The following MEX3D variants were observed in gnomAD, a reference collection of about 807,000 sequenced individuals.
The protein encoded by MEX3D is RNA-binding protein MEX3D.
Under a neutral mutation model 6.3 loss-of-function variants are expected in MEX3D, and 4 were observed. The observed-to-expected ratio is 0.64, with a 90% CI of 0.31 to 1.46. MEX3D has a LOEUF of 1.46. Among genes scored for constraint, MEX3D ranks in the 40% most tolerant of loss-of-function variants. The pLI is 0.07. For missense variants in MEX3D, 1,038 were observed against 994.4 expected (o/e 1.04, Z -0.59); for synonymous variants, 626 against 494.1 (o/e 1.27, Z -3.54).
chr19:1,555,338 T>C lies in MEX3D; in HGVS notation c.*225A>G, dbSNP rs1914487626. ...TTATTGTAACCTGACCACTCAATAC[T>C]GTCGTTGAAGGGCTGAGGCGCCGCC... On this transcript the variant is annotated 3_prime_UTR_variant, in exon 2 of 2. Transcript: ENST00000402693. The C allele has an allele frequency of 3.7e-6, 6 of 1,600,370 alleles. No individual in the cohort carries two copies. In the South Asian group the frequency reaches 5.5e-5, roughly 15 times the overall value.
rs990865392 is a variant in MEX3D, at chr19:1,555,753, G to A, written c.1766C>T (p.Ser589Leu). Reference protein sequence around the residue: ...GASENSRKPPSASSAPALARE... With the variant: ...GASENSRKPPLASSAPALARE... ...CGCCAGGGCCGGGGCCGAGGACGCCGAAGGGGGCTTGCGGCTGTTCTCGGA... is the reference window on the plus strand; with the variant it reads ...CGCCAGGGCCGGGGCCGAGGACGCCAAAGGGGGCTTGCGGCTGTTCTCGGA... Residue 589 changes from serine (S) to leucine (L), a missense_variant, in exon 2 of 2, where the codon TCG (serine) becomes TTG (leucine). This residue lies in a region of MEX3D where 581 missense variants were observed against 516.2 expected (regional missense o/e 1.13). Transcript: ENST00000402693. 6.0e-6 allele frequency: 9 copies of A among 1,505,480 alleles called. No individual in the cohort carries two copies. Among genetic ancestry groups the A allele is most frequent in the African/African-American group, 5.8e-5 (4 of 69,214 alleles). The allele number at this position is 1,505,480 out of a possible 1,614,324, so 93.3% of individuals were successfully genotyped here.
At chr19:1,566,977 C>T (rs1568267981) in intron 1 of MEX3D, among the ~76,000 whole-genome samples, 1 of 152,152 alleles carries the variant, frequency 6.6e-6, no homozygotes, top group Admixed American at 6.5e-5. Context: ...CCAGTCAGGG[C>T]CCCAGGCTGG....
At chr19:1,560,021 C>A (rs970995704) in intron 1 of MEX3D, among the ~76,000 whole-genome samples, 1 of 152,242 alleles carries the variant, frequency 6.6e-6, no homozygotes, top group Non-Finnish European at 1.5e-5. Context: ...TGGGCCTGCT[C>A]TTCTGAGTCT....
At position 1,568,014 on chromosome 19, in the gene MEX3D, G is replaced by GCCC. The variant is rs1347754563; in HGVS notation, c.42_44dup (p.Gly20dup). ...CCGCCCCCACGCCGCCGCCGCCGCC[G>GCCC]CCCCCGCCCCCGCCGCCGTCGGGCT... is the stretch of plus-strand genomic sequence containing the variant. On this transcript the variant is annotated inframe_insertion, in exon 1 of 2. Transcript: ENST00000402693. 7.8e-4 allele frequency: 760 copies of GCCC among 975,284 alleles called. 6 individuals are homozygous for GCCC. The African/African-American group carries it at 0.013, about 17-fold the overall frequency. The allele number at this position is 975,284 out of a possible 1,614,324, so 60.4% of individuals were successfully genotyped here. A position where few individuals can be genotyped will look rare whatever the true frequency, so the allele number is the denominator to read the frequency against.
intron 1 of MEX3D, among the ~76,000 whole-genome samples, chr19:1,560,660 G>C (rs759752667): frequency 6.6e-6 from 1 of 152,204 alleles, no homozygotes; most frequent in Non-Finnish European, 1.5e-5. Flanking sequence ...TGGGAGCCAC[G>C]CGTGCGTCGG....
chr19:1,556,081 C>T lies in MEX3D; in HGVS notation c.1438G>A (p.Ala480Thr). The change falls in exon 2 of 2, where the codon GCC becomes ACC. Residue 480 changes from alanine to threonine, a missense_variant. Ala to Thr is a moderately conservative substitution (Grantham distance 58, BLOSUM62 0). Coordinates refer to ENST00000402693, the MANE Select transcript of MEX3D (RefSeq NM_203304.4). The surrounding 1 kb of genome is among the most constrained non-coding windows in gnomAD (Gnocchi z 7.5). ...CAGCCGCTGAAGGCGGGCAAGGGGG[C>T]GGCGCGCTCAAAAGGCGCCCAGATG... Reference protein sequence around the residue: ...ATIWAPFERAAPLPAFSGCST... With the variant: ...ATIWAPFERATPLPAFSGCST... 3 of 1,430,456 alleles carry T rather than the reference C, an allele frequency of 2.1e-6. No homozygotes were observed. The highest frequency in any genetic ancestry group is 2.8e-6 in the Non-Finnish European group (3 of 1,090,820). 88.6% of individuals were successfully genotyped at this position (1,430,456 alleles called of 1,614,324 possible).
In MEX3D at chr19:1,555,443, G is replaced by GGCC; in HGVS notation, c.*119_*120insGGC. 3.4e-6 allele frequency: 2 copies of GGCC among 590,592 alleles called. No individual in the cohort carries two copies. Among genetic ancestry groups the GGCC allele is most frequent in the East Asian group, 1.0e-4 (1 of 9,894 alleles). 36.6% of individuals were successfully genotyped at this position (590,592 alleles called of 1,614,324 possible). A position where few individuals can be genotyped will look rare whatever the true frequency, so the allele number is the denominator to read the frequency against. On this transcript the variant is annotated 3_prime_UTR_variant, in exon 2 of 2. Coordinates refer to ENST00000402693, the MANE Select transcript of MEX3D (RefSeq NM_203304.4). ...AACACTGGCCGCCGCCCACCCCCCT[G>GGCC]CCCCCTCGGCCTCCGCCCCTCGCCC...
intron 1 of MEX3D, among the ~76,000 whole-genome samples, chr19:1,566,168 G>T (rs969003873): frequency 4.6e-5 from 7 of 152,144 alleles, no homozygotes; most frequent in African/African-American, 1.4e-4. Flanking sequence ...CTGCCAGGGG[G>T]TCCCACCAAG....
rs1325877453 is a variant in MEX3D at position 1,556,823 on chromosome 19, G to A, written c.696C>T (p.Asp232=). 17 of 1,612,540 alleles carry A rather than the reference G, an allele frequency of 1.1e-5. No homozygotes were observed. Among genetic ancestry groups the A allele is most frequent in the Non-Finnish European group, 1.4e-5 (17 of 1,179,826 alleles). ...PVFIVTGRKE[D]VEMAKREILS... ...GGATCTCACGCTTGGCCATCTCCAC[G>A]TCCTCCTTCCGGCCGGTCACGATGA... Residue 232 remains aspartate (D), a synonymous_variant, in exon 2 of 2, where the codon GAC becomes GAT. Transcript: ENST00000402693. The surrounding 1 kb of genome is among the most constrained non-coding windows in gnomAD (Gnocchi z 7.5).
At chr19:1,558,175 C>T (rs1260023187) in intron 1 of MEX3D, among the ~76,000 whole-genome samples, 1 of 151,400 alleles carries the variant, frequency 6.6e-6, no homozygotes, top group Admixed American at 6.6e-5. Context: ...GCCTGGGCAA[C>T]ACAGCAGGAC....
In MEX3D at chr19:1,555,737, CG is replaced by C. The variant is rs999739868; in HGVS notation, c.1781del (p.Pro594ArgfsTer15). 3.3e-6 allele frequency: 5 copies of C among 1,518,382 alleles called. No homozygotes were observed. The highest frequency in any genetic ancestry group is 4.4e-6 in the Non-Finnish European group (5 of 1,139,922). 94.1% of individuals were successfully genotyped at this position (1,518,382 alleles called of 1,614,324 possible). A position where few individuals can be genotyped will look rare whatever the true frequency, so the allele number is the denominator to read the frequency against. On this transcript the variant is annotated frameshift_variant, in exon 2 of 2. Transcript: ENST00000402693. LOFTEE classifies it low-confidence loss of function (END_TRUNC). Reference protein sequence around the residue: ...SRKPPSASSAPALARECVVCA... With the variant: ...SRKPPSASSAXALARECVVCA... Reference sequence around the variant, plus strand: ...ACACCACGCACTCTCGCGCCAGGGCCGGGGCCGAGGACGCCGAAGGGGGCTT... The same window carrying C: ...ACACCACGCACTCTCGCGCCAGGGCCGGGCCGAGGACGCCGAAGGGGGCTT...
chr19:1,561,328 C>T (rs1914712374), intron 1 of MEX3D, among the ~76,000 whole-genome samples: 1 of 152,190 alleles, frequency 6.6e-6, no homozygotes, highest in Admixed American at 6.5e-5. Flanking sequence ...GCCGCTGAGG[C>T]AACAGCAAGG....
In MEX3D at chr19:1,567,784, C is replaced by A. The variant is rs958425127; in HGVS notation, c.275G>T (p.Gly92Val). The A allele has an allele frequency of 3.1e-6, 3 of 956,156 alleles. No individual in the cohort carries two copies. Among genetic ancestry groups the A allele is most frequent in the South Asian group, 4.7e-5 (1 of 21,480 alleles). The allele number at this position is 956,156 out of a possible 1,614,324, so 59.2% of individuals were successfully genotyped here. ...CTCCGGAGCCGCCCCGCCGTCCGCG[C>A]CCCCCGCCGCCGCTGCGCCGTCCCC... ...AAGDGAAAAG[G>V]ADGGAAPEPV... Residue 92 changes from glycine to valine, a missense_variant, in exon 1 of 2, where the codon GGC (glycine) becomes GTC (valine). Around this residue, in one of 5 missense-constraint regions of MEX3D, gnomAD observed 265 missense variants for 206.3 expected, o/e 1.28. Transcript: ENST00000402693. The surrounding 1 kb of genome is among the most constrained non-coding windows in gnomAD (Gnocchi z 6.5).
chr19:1,559,021 CTT>C (rs1165144051), intron 1 of MEX3D, among the ~76,000 whole-genome samples: 1 of 151,198 alleles, frequency 6.6e-6, no homozygotes, highest in South Asian at 2.1e-4. Flanking sequence ...TTATCTCACT[CTT>C]GTTACCCAGG....
At chr19:1,558,813 G>A (rs1339421923) in intron 1 of MEX3D, among the ~76,000 whole-genome samples, 1 of 152,210 alleles carries the variant, frequency 6.6e-6, no homozygotes, top group Non-Finnish European at 1.5e-5. Flanking sequence ...TGAGGGGCCT[G>A]CTGTGGCTTT....
Position 1,555,486 on chromosome 19 carries a change from C to A in MEX3D, c.*77G>T. On this transcript the variant is annotated 3_prime_UTR_variant, in exon 2 of 2. Transcript: ENST00000402693. ...CCTCGCCCCCTCCCCGTCCCTCTCCCACCCCGGGTCCCGCCCCGTCTCCCG... is the reference window on the plus strand; with the variant it reads ...CCTCGCCCCCTCCCCGTCCCTCTCCAACCCCGGGTCCCGCCCCGTCTCCCG... The A allele has an allele frequency of 6.6e-7, 1 of 1,504,124 alleles. No individual in the cohort carries two copies. The highest frequency in any genetic ancestry group is 2.6e-5 in the East Asian group (1 of 38,742). 93.2% of individuals were successfully genotyped at this position (1,504,124 alleles called of 1,614,324 possible).
chr19:1,563,528 T>C (rs561630970), intron 1 of MEX3D, among the ~76,000 whole-genome samples: 3 of 152,120 alleles, frequency 2.0e-5, no homozygotes, highest in South Asian at 2.1e-4. Context: ...CCTGGGAACA[T>C]GCAGGGGGAG....
At chr19:1,566,978 C>A (rs1038662399) in intron 1 of MEX3D, among the ~76,000 whole-genome samples, 1 of 152,172 alleles carries the variant, frequency 6.6e-6, no homozygotes, top group African/African-American at 2.4e-5. Context: ...CAGTCAGGGC[C>A]CCAGGCTGGA....
chr19:1,561,807 C>T (rs938046593), intron 1 of MEX3D, among the ~76,000 whole-genome samples: 1 of 151,978 alleles, frequency 6.6e-6, no homozygotes, highest in African/African-American at 2.4e-5. Context: ...CCACCCCCGG[C>T]TAATTGTTTA....
Sources: gnomAD v4.1 joint callset for allele counts (sites outside exome capture counted in the v4.1 genomes callset) on GRCh38, gnomAD v4.1.1 for gene constraint, gnomAD v4.1.1 regional missense constraint, Gnocchi (gnomAD v3.1) non-coding constraint, MANE v1.5 for transcripts, NCBI Gene and HGNC (gene_info 2026-07-23, HGNC 2026-07-21) for gene names.